Variants in SNTG1 observed in about 807,000 individuals in gnomAD.
SNTG1 encodes the protein syntrophin gamma 1, also known as gamma-1-syntrophin.
A neutral mutation model predicts 74.7 loss-of-function variants in SNTG1; 39 were observed. The observed-to-expected ratio is 0.52, with a 90% CI of 0.40 to 0.68. SNTG1 has a LOEUF of 0.68. Among genes scored for constraint, SNTG1 ranks in the 30% least tolerant of loss-of-function variants. SNTG1 has a pLI of 0.00. For missense variants in SNTG1, 685 were observed against 609.5 expected, an observed-to-expected ratio of 1.12 and a Z score of -1.30; for synonymous variants, 254 against 217.1, an observed-to-expected ratio of 1.17 and a Z score of -1.49.
chr8:50,278,838 ACT>A (rs68075375), intron 2 of SNTG1, among the ~76,000 whole-genome samples: 71,601 of 150,208 alleles, frequency 0.48, 19,303 homozygotes, highest in East Asian at 0.83. Flanking sequence ...CTTTAACTTA[ACT>A]TAAAAAATTC....
intron 1 of SNTG1, among the ~76,000 whole-genome samples, chr8:49,975,089 C>A (rs186006724): frequency 6.6e-6 from 1 of 151,934 alleles, no homozygotes; most frequent in Non-Finnish European, 1.5e-5. Flanking sequence ...TCTCAATGGG[C>A]GAATCATGGC....
chr8:50,639,702 T>C (rs2095060748), intron 13 of SNTG1, among the ~76,000 whole-genome samples: 1 of 152,072 alleles, frequency 6.6e-6, no homozygotes, highest in Non-Finnish European at 1.5e-5. Flanking sequence ...ATTTAAATAA[T>C]ATATCAAGTA....
intron 17 of SNTG1, among the ~76,000 whole-genome samples, chr8:50,731,342 T>G (rs1341906490): frequency 6.6e-6 from 1 of 152,130 alleles, no homozygotes; most frequent in Non-Finnish European, 1.5e-5. Context: ...CTAGAGTGCA[T>G]GAACTTTACC....
intron 2 of SNTG1, among the ~76,000 whole-genome samples, chr8:50,177,936 T>G (rs187367914): frequency 3.3e-5 from 5 of 152,312 alleles, no homozygotes; most frequent in Admixed American, 1.3e-4. Context: ...CGTTTTGCAT[T>G]TTCTCAATTG....
intron 2 of SNTG1, among the ~76,000 whole-genome samples, chr8:50,326,619 T>C (rs1450483725): frequency 6.6e-6 from 1 of 151,954 alleles, no homozygotes; most frequent in African/African-American, 2.4e-5. Context: ...ACTGTTTTAC[T>C]AATTTTATTG....
At chr8:50,561,200 C>G (rs1030443095) in intron 12 of SNTG1, among the ~76,000 whole-genome samples, 1 of 152,084 alleles carries the variant, frequency 6.6e-6, no homozygotes, top group African/African-American at 2.4e-5. Flanking sequence ...GCAGTTCCCC[C>G]TTTGCTGTCT....
intron 14 of SNTG1, 28 bp downstream of exon 14, chr8:50,657,053 C>A (rs769461300): frequency 3.0e-6 from 4 of 1,334,818 alleles, no homozygotes; most frequent in South Asian, 3.2e-5. Context: ...ATGTATTGGT[C>A]GTTTCCATAT....
chr8:50,487,662 G>A (rs1371243981), intron 8 of SNTG1, among the ~76,000 whole-genome samples: 1 of 132,098 alleles, frequency 7.6e-6, no homozygotes, highest in Admixed American at 8.6e-5. Context: ...ACAGGAAGGG[G>A]AATATCACAC....
chr8:49,997,488 A>T (rs891968806), intron 1 of SNTG1, among the ~76,000 whole-genome samples: 4 of 151,968 alleles, frequency 2.6e-5, no homozygotes, highest in African/African-American at 9.7e-5. Flanking sequence ...TCCCTCCTTT[A>T]TTTCACTATG....
chr8:50,227,390 C>G (rs1294451207), intron 2 of SNTG1, among the ~76,000 whole-genome samples: 1 of 152,114 alleles, frequency 6.6e-6, no homozygotes, highest in African/African-American at 2.4e-5. Flanking sequence ...CATTGTGAAA[C>G]AGGTCTTGAG....
At chr8:50,743,660 A>AG (rs71550236) in intron 17 of SNTG1, among the ~76,000 whole-genome samples, 30,760 of 151,104 alleles carry the variant, frequency 0.2, 3,229 homozygotes, top group South Asian at 0.31. Flanking sequence ...AAAAAAAAAA[A>AG]GCCAAAGAAA....
chr8:50,152,005 T>G (rs2082085081), intron 1 of SNTG1, among the ~76,000 whole-genome samples: 1 of 152,108 alleles, frequency 6.6e-6, no homozygotes, highest in Non-Finnish European at 1.5e-5. Flanking sequence ...ATGTTGACAG[T>G]GGGGTGTTAA....
chr8:50,052,919 C>A (rs1819697284), intron 1 of SNTG1, among the ~76,000 whole-genome samples: 1 of 152,100 alleles, frequency 6.6e-6, no homozygotes, highest in African/African-American at 2.4e-5. Flanking sequence ...GTAATAAATG[C>A]TGGCCCAGAT....
At chr8:50,342,983 C>G (rs2091362884) in intron 2 of SNTG1, among the ~76,000 whole-genome samples, 1 of 152,160 alleles carries the variant, frequency 6.6e-6, no homozygotes, top group Admixed American at 6.5e-5. Context: ...TCAAAATCCT[C>G]TTTTAAAGAA....
At chr8:50,262,791 A>G (rs1362217522) in intron 2 of SNTG1, among the ~76,000 whole-genome samples, 1 of 152,186 alleles carries the variant, frequency 6.6e-6, no homozygotes, top group Non-Finnish European at 1.5e-5. Context: ...CTGTGAAAAG[A>G]CATGGTAAAA....
At chr8:50,425,041 T>C (rs1308355416) in intron 4 of SNTG1, among the ~76,000 whole-genome samples, 1 of 152,130 alleles carries the variant, frequency 6.6e-6, no homozygotes, top group African/African-American at 2.4e-5. Context: ...ATAGTAGAGA[T>C]AGCATTTTTT....
At chr8:50,792,550 C>T in intron 18 of SNTG1, 121 bp from the exon 19 acceptor site, 68 of 1,014,630 alleles carry the variant, frequency 6.7e-5, no homozygotes, top group South Asian at 2.6e-4. Context: ...AATTAGTTTC[C>T]ACATGTTACA....
At chr8:50,154,009 T>C (rs1331690522) in intron 1 of SNTG1, among the ~76,000 whole-genome samples, 2 of 152,160 alleles carry the variant, frequency 1.3e-5, no homozygotes, top group Non-Finnish European at 2.9e-5. Context: ...AGGTGGAGTC[T>C]ACAGAGGCAT....
intron 18 of SNTG1, among the ~76,000 whole-genome samples, chr8:50,753,273 G>C (rs914532201): frequency 3.3e-5 from 5 of 151,750 alleles, no homozygotes; most frequent in African/African-American, 1.2e-4. Flanking sequence ...CATTTACTTT[G>C]TGCCAACCAC....
Sources: gnomAD v4.1 joint callset for allele counts (sites outside exome capture counted in the v4.1 genomes callset) on GRCh38, gnomAD v4.1.1 for gene constraint, MANE v1.5 for transcripts, NCBI Gene and HGNC (gene_info 2026-07-23, HGNC 2026-07-21) for gene names.